PRKN: variants seen among roughly 807,000 people sequenced by gnomAD.
The protein encoded by PRKN is E3 ubiquitin-protein ligase parkin.
Under a neutral mutation model 59.5 loss-of-function variants are expected in PRKN, and 56 were observed. The ratio of observed to expected loss-of-function variants is 0.94; its 90% CI spans 0.76 to 1.18. PRKN has a LOEUF of 1.18. PRKN is among the 50% of genes most tolerant of loss of function. The pLI is 0.00. For missense variants in PRKN, 657 were observed against 596.4 expected (o/e 1.10, Z -1.06); for synonymous variants, 250 against 222.1 (o/e 1.13, Z -1.12).
chr6:161,651,474 T>C (rs1022523657), intron 7 of PRKN, among the ~76,000 whole-genome samples: 5 of 152,188 alleles, frequency 3.3e-5, no homozygotes, highest in African/African-American at 1.2e-4. Context: ...CTGGAAAATA[T>C]AGCTTGAGAA....
chr6:162,179,588 A>T (rs80228850), intron 4 of PRKN, among the ~76,000 whole-genome samples: 2,071 of 152,270 alleles, frequency 0.014, 51 homozygotes, highest in African/African-American at 0.048. Flanking sequence ...GACTTTCTGG[A>T]AAAGGTCTAA....
At chr6:162,727,520 C>G in intron 1 of PRKN, 142 bp downstream of exon 1, 2 of 925,274 alleles carry the variant, frequency 2.2e-6, no homozygotes, top group Admixed American at 2.5e-5. Context: ...AGCCCGGCGG[C>G]GCGGGCCGGG....
At chr6:162,186,717 G>GT (rs1784048583) in intron 4 of PRKN, among the ~76,000 whole-genome samples, 1 of 152,182 alleles carries the variant, frequency 6.6e-6, no homozygotes, top group Non-Finnish European at 1.5e-5. Context: ...TCTTGGGATG[G>GT]TGAGTGAGCT....
chr6:162,605,725 T>C lies in PRKN; in HGVS notation c.7+121937A>G, dbSNP rs759375283. ...TGATTTATTATACCCAAACAGCAAA[T>C]AAACAGCTAAAAAGAAAACAAATAT... On this transcript the variant is annotated intron_variant, in intron 1 of 11. Transcript: ENST00000366898. 3.3e-5 allele frequency among the ~76,000 whole-genome samples: 5 copies of C among 152,042 alleles called. No individual in the cohort carries two copies. The East Asian group carries it at 7.7e-4, about 23-fold the overall frequency.
At position 161,353,946 on chromosome 6, in the gene PRKN, T is replaced by G. The variant is rs1334416700; in HGVS notation, c.1286-3735A>C. Among the ~76,000 whole-genome samples the G allele has an allele frequency of 6.6e-6, 1 of 152,216 alleles. No homozygotes were observed. The highest frequency in any genetic ancestry group is 1.5e-5 in the Non-Finnish European group (1 of 68,030). On this transcript the variant is annotated intron_variant, in intron 11 of 11. Coordinates refer to ENST00000366898, the MANE Select transcript of PRKN (RefSeq NM_004562.3). This position sits in a 1 kb window ranked among gnomAD's most constrained non-coding sequence, Gnocchi z 4.8. ...CCCCGCACATTCCGTCACAGAAGTC[T>G]TCTGTGCTGACTGTTGTTATTGAAT...
chr6:162,368,623 C>T (rs80050714), intron 2 of PRKN, among the ~76,000 whole-genome samples: 84 of 152,252 alleles, frequency 5.5e-4, no homozygotes, highest in Non-Finnish European at 9.6e-4. Context: ...GACAGAAATG[C>T]TTATGCAAAC....
Position 161,393,163 on chromosome 6 carries a change from T to C in PRKN, c.1084-6286A>G, listed in dbSNP as rs1385619367. On this transcript the variant is annotated intron_variant, in intron 9 of 11. Transcript: ENST00000366898. This position sits in a 1 kb window ranked among gnomAD's most constrained non-coding sequence, Gnocchi z 4.7. ...GATAAAGAATATTTAACACAGTTTC[T>C]GGTACACAGTAAACACAACAACACA... 6.6e-6 allele frequency among the ~76,000 whole-genome samples: 1 copy of C among 152,190 alleles called. No individual in the cohort carries two copies. The highest frequency in any genetic ancestry group is 2.4e-5 in the African/African-American group (1 of 41,424).
intron 4 of PRKN, among the ~76,000 whole-genome samples, chr6:162,171,626 G>A (rs749483024): frequency 1.5e-4 from 23 of 152,086 alleles, no homozygotes; most frequent in Non-Finnish European, 2.4e-4. Flanking sequence ...GGCTGCACAC[G>A]CCTGACACAG....
Position 161,475,709 on chromosome 6 carries a change from A to G in PRKN, c.1083+73145T>C, listed in dbSNP as rs117799537. On this transcript the variant is annotated intron_variant, in intron 9 of 11. Transcript: ENST00000366898. This position sits in a 1 kb window ranked among gnomAD's most constrained non-coding sequence, Gnocchi z 5.3. ...AGGCTGGTCTTGAACTCCTGAGCTC[A>G]AGGAATCTGCTCGCCTCGGTCTCCC... 0.038 allele frequency among the ~76,000 whole-genome samples: 5,759 copies of G among 151,992 alleles called. 151 individuals carry two copies. The highest frequency in any genetic ancestry group is 0.068 in the South Asian group (326 of 4,816).
At chr6:162,294,050 T>A (rs142897186) in intron 2 of PRKN, among the ~76,000 whole-genome samples, 1 of 151,978 alleles carries the variant, frequency 6.6e-6, no homozygotes, top group Non-Finnish European at 1.5e-5. Flanking sequence ...GAAGCCAAAG[T>A]CAAGTCTTTA....
chr6:161,961,393 G>A (rs1053861616), intron 6 of PRKN, among the ~76,000 whole-genome samples: 1 of 152,174 alleles, frequency 6.6e-6, no homozygotes, highest in Admixed American at 6.5e-5. Flanking sequence ...CCGGTTGGGT[G>A]TAAAAGAAAA....
chr6:162,139,270 C>T (rs144656174), intron 4 of PRKN, among the ~76,000 whole-genome samples: 33 of 152,288 alleles, frequency 2.2e-4, no homozygotes, highest in Middle Eastern at 3.4e-3. Context: ...TACACTAACA[C>T]GCCTTAATTA....
At position 161,518,388 on chromosome 6, in the gene PRKN, G is replaced by C. The variant is rs1778694186; in HGVS notation, c.1083+30466C>G. On this transcript the variant is annotated intron_variant, in intron 9 of 11. Transcript: ENST00000366898. The surrounding 1 kb of genome is among the most constrained non-coding windows in gnomAD (Gnocchi z 5.0). ...CAGCAGAAGGGCCCAGAAACAGCCA[G>C]TAGCCAGGCGTGGTGGTGGGCGCCT... is the stretch of plus-strand genomic sequence containing the variant. 6.6e-6 allele frequency among the ~76,000 whole-genome samples: 1 copy of C among 152,210 alleles called. No homozygotes were observed.
chr6:162,369,103 T>G (rs1440458201), intron 2 of PRKN, among the ~76,000 whole-genome samples: 1 of 152,186 alleles, frequency 6.6e-6, no homozygotes, highest in African/African-American at 2.4e-5. Flanking sequence ...AGGTGACATA[T>G]AGTAAGTCAA....
chr6:162,104,638 C>T (rs1435114105), intron 4 of PRKN, among the ~76,000 whole-genome samples: 1 of 152,158 alleles, frequency 6.6e-6, no homozygotes, highest in African/African-American at 2.4e-5. Flanking sequence ...CCTGCATCAG[C>T]AGGCCAGGCG....
At chr6:162,314,790 C>G (rs9458507) in intron 2 of PRKN, among the ~76,000 whole-genome samples, 2 of 152,160 alleles carry the variant, frequency 1.3e-5, no homozygotes, top group Admixed American at 1.3e-4. Flanking sequence ...TCTGACAATG[C>G]TTTGATTAAT....
At chr6:162,174,811 C>T (rs542593457) in intron 4 of PRKN, among the ~76,000 whole-genome samples, 4 of 152,208 alleles carry the variant, frequency 2.6e-5, no homozygotes, top group Non-Finnish European at 5.9e-5. Context: ...ATCTTCCCAA[C>T]AGAAAGTCAT....
At chr6:162,349,146 A>C (rs1030185965) in intron 2 of PRKN, among the ~76,000 whole-genome samples, 10 of 152,286 alleles carry the variant, frequency 6.6e-5, no homozygotes, top group African/African-American at 1.7e-4. Flanking sequence ...AATTACATGA[A>C]TCTACACAAA....
intron 1 of PRKN, among the ~76,000 whole-genome samples, chr6:162,619,144 CTTT>C (rs144005690): frequency 0.6 from 79,380 of 132,080 alleles, 23,292 homozygotes; most frequent in African/African-American, 0.73. Context: ...AGTATTTTTC[CTTT>C]TTTTTTTTTT....
Sources: allele counts gnomAD v4.1 joint callset (sites outside exome capture counted in the v4.1 genomes callset), GRCh38; gene constraint gnomAD v4.1.1; non-coding constraint Gnocchi (gnomAD v3.1); transcripts MANE v1.5; gene names NCBI Gene and HGNC (gene_info 2026-07-23, HGNC 2026-07-21).